The following ZC3H11A variants were observed in gnomAD, a reference collection of about 807,000 sequenced individuals.
The protein encoded by ZC3H11A is zinc finger CCCH-type containing 11A.
ZC3H11A carries 22 observed loss-of-function variants against 90.8 expected under a neutral mutation model. That is an observed-to-expected ratio of 0.24 (90% CI 0.17 to 0.35). ZC3H11A has a LOEUF of 0.35. Among genes scored for constraint, ZC3H11A ranks in the 10% least tolerant of loss-of-function variants. ZC3H11A has a pLI of 1.00. For synonymous variants in ZC3H11A, 294 were observed against 339.8 expected (o/e 0.87, Z 1.48); for missense variants, 701 against 964.9 (o/e 0.73, Z 3.62).
intron 17 of ZC3H11A, 117 bp from the exon 18 acceptor site, chr1:203,852,024 T>A: frequency 1.0e-6 from 1 of 967,774 alleles, no homozygotes; most frequent in Admixed American, 2.9e-5. Context: ...AAAAGAATTA[T>A]TTCTTTATGT....
chr1:203,845,854 A>G (rs1394601332), intron 12 of ZC3H11A, among the ~76,000 whole-genome samples: 1 of 152,200 alleles, frequency 6.6e-6, no homozygotes, highest in Admixed American at 6.5e-5. Flanking sequence ...CAACAGAGCA[A>G]AACTCTGTCT....
At chr1:203,831,323 A>G (rs1193517940) in intron 8 of ZC3H11A, among the ~76,000 whole-genome samples, 1 of 152,168 alleles carries the variant, frequency 6.6e-6, no homozygotes, top group Non-Finnish European at 1.5e-5. Flanking sequence ...TAAATAGAAT[A>G]GGTTGGATTG....
intron 12 of ZC3H11A, 87 bp downstream of exon 12, chr1:203,840,461 T>C (rs1685750951): frequency 1.5e-6 from 2 of 1,350,380 alleles, no homozygotes; most frequent in Admixed American, 2.3e-5. Context: ...TGTTGCTTGC[T>C]AGGGCTTTTG....
intron 8 of ZC3H11A, 117 bp from the exon 9 acceptor site, chr1:203,831,544 T>C (rs558612407): frequency 3.6e-5 from 28 of 780,144 alleles, no homozygotes; most frequent in Non-Finnish European, 5.1e-5. Flanking sequence ...GCTGATTGGC[T>C]TATAGTCATA....
chr1:203,818,608 A>G lies in ZC3H11A; in HGVS notation c.93A>G (p.Ile31Met), dbSNP rs1677166257. 26 of 1,614,160 alleles carry G rather than the reference A, an allele frequency of 1.6e-5. No homozygotes were observed. Among genetic ancestry groups the G allele is most frequent in the Non-Finnish European group, 2.2e-5 (26 of 1,180,026 alleles). Reference protein sequence around the residue: ...SCPFRHCEAAIGNETVCTLWQ... With the variant: ...SCPFRHCEAAMGNETVCTLWQ... ...CATTCCGTCACTGTGAAGCTGCAAT[A>G]GGAAATGAAACTGTTTGCACATTAT... The change falls in exon 4 of 18, where the codon ATA becomes ATG. Residue 31 changes from isoleucine (I) to methionine (M), a missense_variant. Ile to Met is a conservative substitution (Grantham distance 10). Around this residue, in one of 4 missense-constraint regions of ZC3H11A, gnomAD observed 59 missense variants for 132.8 expected, o/e 0.44. Transcript: ENST00000367210.
rs138840191 is a variant in ZC3H11A at position 203,818,606 on chromosome 1, A to G, written c.91A>G (p.Ile31Val). The change falls in exon 4 of 18, where the codon ATA becomes GTA. Residue 31 changes from isoleucine (I) to valine (V), a missense_variant. Coordinates refer to ENST00000367210, the MANE Select transcript of ZC3H11A (RefSeq NM_001376342.1). ...SCPFRHCEAA[I>V]GNETVCTLWQ... is the part of the protein sequence containing the mutation. ...CCCATTCCGTCACTGTGAAGCTGCA[A>G]TAGGAAATGAAACTGTTTGCACATT... is the stretch of plus-strand genomic sequence containing the variant. The G allele has an allele frequency of 6.2e-6, 10 of 1,614,166 alleles. No homozygotes were observed. The African/African-American group carries it at 9.3e-5, about 15-fold the overall frequency.
At chr1:203,837,921 TG>T in intron 10 of ZC3H11A, 44 bp from the exon 11 acceptor site, 1 of 1,572,774 alleles carries the variant, frequency 6.4e-7, no homozygotes, top group South Asian at 1.1e-5. Context: ...TTGTCCTTGC[TG>T]AAGATTGACT....
chr1:203,799,613 G>A, intron 1 of ZC3H11A: 1 of 703,178 alleles, frequency 1.4e-6, no homozygotes, highest in South Asian at 1.5e-5. Flanking sequence ...CATTTGAGGA[G>A]GCTACCCAGA....
At position 203,843,693 on chromosome 1, in the gene ZC3H11A, A is replaced by G. The variant is rs534090434; in HGVS notation, c.1042+3319A>G. ...ATTTACAAAATTAGGTGGTGGCCAT[A>G]TGGGCTATATATAGTTTGCCTATGC... On this transcript the variant is annotated intron_variant, in intron 12 of 17. Coordinates refer to ENST00000367210, the MANE Select transcript of ZC3H11A (RefSeq NM_001376342.1). 1.6e-4 allele frequency among the ~76,000 whole-genome samples: 24 copies of G among 152,316 alleles called. 1 individual carries two copies. Among genetic ancestry groups the G allele is most frequent in the Admixed American group, 1.4e-3 (21 of 15,304 alleles).
Position 203,840,628 on chromosome 1 carries a change from A to ATTTATTTATTTAT in ZC3H11A, c.1042+265_1042+266insATTTTATTTATTT, listed in dbSNP as rs1436583566. Among the ~76,000 whole-genome samples the ATTTATTTATTTAT allele has an allele frequency of 3.9e-4, 59 of 150,866 alleles. No homozygotes were observed. In the South Asian group the frequency reaches 0.012, roughly 30 times the overall value. On this transcript the variant is annotated intron_variant, in intron 12 of 17. Coordinates refer to ENST00000367210, the MANE Select transcript of ZC3H11A (RefSeq NM_001376342.1). ...AAATTATTTATTTATTTATTTATTT[A>ATTTATTTATTTAT]TTTATTTATTTTATTTATTTTTGAG...
chr1:203,847,293 A>G lies in ZC3H11A; in HGVS notation c.1152A>G (p.Gly384=). ...GELQTKLKTE[G]PSKTDDSTSG... is the part of the protein sequence containing the mutation. ...TGCAAACTAAACTCAAGACAGAAGG[A>G]CCTTCAAAAACTGATGATTCTACTT... The change falls in exon 13 of 18, where the codon GGA becomes GGG. Residue 384 remains glycine, a synonymous_variant. Transcript: ENST00000367210. The G allele has an allele frequency of 1.2e-6, 2 of 1,613,952 alleles. No homozygotes were observed. The highest frequency in any genetic ancestry group is 1.7e-6 in the Non-Finnish European group (2 of 1,179,872).
chr1:203,847,536 T>C lies in ZC3H11A; in HGVS notation c.1395T>C (p.Ser465=). The change falls in exon 13 of 18, where the codon TCT becomes TCC. Residue 465 remains serine, a synonymous_variant. Transcript: ENST00000367210. ...AGGAGCCTGCAGGTAAAACAAAGTC[T>C]ATGCAGGAGGTGCACATCAAGACGC... ...QSEEPAGKTK[S]MQEVHIKTLE... 6.2e-7 allele frequency: 1 copy of C among 1,613,922 alleles called. No homozygotes were observed.
rs555924237 is a variant in ZC3H11A at position 203,798,445 on chromosome 1, G to A, written c.-1588+2651G>A. The A allele has an allele frequency of 3.3e-6, 5 of 1,535,924 alleles. No individual in the cohort carries two copies. The highest frequency in any genetic ancestry group is 4.4e-6 in the Non-Finnish European group (5 of 1,146,768). Reference sequence around the variant, plus strand: ...CACTTAGGGACTTCAACACTTCAACGACACCTGCAAGCCACACATCCTATC... The same window carrying A: ...CACTTAGGGACTTCAACACTTCAACAACACCTGCAAGCCACACATCCTATC... On this transcript the variant is annotated intron_variant, in intron 1 of 17. Coordinates refer to ENST00000367210, the MANE Select transcript of ZC3H11A (RefSeq NM_001376342.1).
Position 203,817,112 on chromosome 1 carries a change from C to T in ZC3H11A, c.42C>T (p.Ser14=). ...QGEDCYFFFY[S]TCTKGDSCPF... is the part of the protein sequence containing the mutation. Reference sequence around the variant, plus strand: ...AAGACTGCTATTTTTTTTTCTATTCCACATGTACCAAAGTAAGAATTGACA... The same window carrying T: ...AAGACTGCTATTTTTTTTTCTATTCTACATGTACCAAAGTAAGAATTGACA... The change falls in exon 3 of 18, where the codon TCC becomes TCT. Residue 14 remains serine, a synonymous_variant. Coordinates refer to ENST00000367210, the MANE Select transcript of ZC3H11A (RefSeq NM_001376342.1). 1 of 1,607,210 alleles carries T rather than the reference C, an allele frequency of 6.2e-7. No individual in the cohort carries two copies. Among genetic ancestry groups the T allele is most frequent in the Non-Finnish European group, 8.5e-7 (1 of 1,176,986 alleles).
intron 2 of ZC3H11A, among the ~76,000 whole-genome samples, chr1:203,807,478 T>C (rs538707320): frequency 7.0e-4 from 106 of 151,954 alleles, no homozygotes; most frequent in Middle Eastern, 3.4e-3. Flanking sequence ...GACTGTTTTT[T>C]GGGTTTGTAA....
At chr1:203,836,458 A>G (rs1281047610) in intron 10 of ZC3H11A, among the ~76,000 whole-genome samples, 2 of 152,200 alleles carry the variant, frequency 1.3e-5, no homozygotes, top group Admixed American at 1.3e-4. Flanking sequence ...ACAGTGTAAT[A>G]AAACTAGAAG....
chr1:203,820,776 G>A lies in ZC3H11A; in HGVS notation c.174+2087G>A, dbSNP rs1351913266. Among the ~76,000 whole-genome samples, 7 of 152,130 alleles carry A rather than the reference G, an allele frequency of 4.6e-5. No individual in the cohort carries two copies. In the East Asian group the frequency reaches 5.8e-4, roughly 13 times the overall value. ...ATTACAGGTGTGAGCCACGCCCGGC[G>A]AATGGTATTTTTGTTGCATATCATC... On this transcript the variant is annotated intron_variant, in intron 4 of 17. Coordinates refer to ENST00000367210, the MANE Select transcript of ZC3H11A (RefSeq NM_001376342.1).
rs954391582 is a variant in ZC3H11A, at chr1:203,829,546, T to A, written c.394T>A (p.Ser132Thr). ...CAAATTGTCTGTCCAGTCCAATCCT[T>A]CCCCTCAGCTGCGGAGCGTTATGAA... ...QNKLSVQSNP[S>T]PQLRSVMKVE... The change falls in exon 6 of 18, where the codon TCC (serine) becomes ACC (threonine). Residue 132 changes from serine to threonine, a missense_variant. Physicochemically the swap from Ser to Thr is moderately conservative, Grantham distance 58. Around this residue, in one of 4 missense-constraint regions of ZC3H11A, gnomAD observed 530 missense variants for 696.2 expected, o/e 0.76. Coordinates refer to ENST00000367210, the MANE Select transcript of ZC3H11A (RefSeq NM_001376342.1). 3.1e-6 allele frequency: 5 copies of A among 1,613,814 alleles called. No individual in the cohort carries two copies. The highest frequency in any genetic ancestry group is 4.2e-6 in the Non-Finnish European group (5 of 1,179,924).
At chr1:203,830,967 A>G (rs1682132858) in intron 8 of ZC3H11A, among the ~76,000 whole-genome samples, 3 of 43,056 alleles carry the variant, frequency 7.0e-5, no homozygotes, top group African/African-American at 9.8e-5. Context: ...TTTTTTTGAG[A>G]CAGAGTTTTG....
Sources: allele counts gnomAD v4.1 joint callset (sites outside exome capture counted in the v4.1 genomes callset), GRCh38; gene constraint gnomAD v4.1.1; regional missense constraint gnomAD v4.1.1; transcripts MANE v1.5; gene names NCBI Gene and HGNC (gene_info 2026-07-23, HGNC 2026-07-21).